Variants in THOP1 observed in about 807,000 individuals in gnomAD.
THOP1 encodes the protein thimet oligopeptidase 1.
THOP1 carries 49 observed loss-of-function variants against 71.8 expected under a neutral mutation model. That is an observed-to-expected ratio of 0.68 (90% CI 0.54 to 0.87). The LOEUF (loss-of-function observed/expected upper bound fraction) is 0.87, where lower values mean the gene tolerates loss of function less well. THOP1 is among the 40% of genes least tolerant of loss of function. THOP1 has a pLI of 0.00. For missense variants in THOP1, 843 were observed against 975.6 expected, an observed-to-expected ratio of 0.86 and a Z score of 1.81; for synonymous variants, 426 against 421.5, an observed-to-expected ratio of 1.01 and a Z score of -0.13.
chr19:2,810,892 G>A (rs891563973), intron 11 of THOP1, 124 bp downstream of exon 11: 13 of 1,414,534 alleles, frequency 9.2e-6, no homozygotes, highest in Admixed American at 7.3e-5. Flanking sequence ...GGGGAGCCAC[G>A]GAGCGCGTCC....
intron 4 of THOP1, among the ~76,000 whole-genome samples, chr19:2,796,764 C>T (rs1222388615): frequency 6.6e-5 from 10 of 152,104 alleles, no homozygotes; most frequent in Admixed American, 5.9e-4. Context: ...GGCTGACCCC[C>T]GGCCTGATGT....
chr19:2,796,057 C>T (rs780806723), intron 3 of THOP1, 24 bp from the exon 4 acceptor site: 45 of 1,597,208 alleles, frequency 2.8e-5, no homozygotes, highest in Non-Finnish European at 3.2e-5. Context: ...CCACGTCCTA[C>T]ATGCTTTGAT....
chr19:2,800,148 C>T (rs1916112863), intron 5 of THOP1, among the ~76,000 whole-genome samples: 2 of 152,190 alleles, frequency 1.3e-5, no homozygotes. Context: ...TCCCTTGAGA[C>T]CCCACTTCCT....
chr19:2,785,576 C>A lies in THOP1; in HGVS notation c.-87C>A. 7.0e-7 allele frequency: 1 copy of A among 1,437,196 alleles called. No homozygotes were observed. The highest frequency in any genetic ancestry group is 9.2e-7 in the Non-Finnish European group (1 of 1,085,632). The allele number at this position is 1,437,196 out of a possible 1,614,324, so 89.0% of individuals were successfully genotyped here. A position where few individuals can be genotyped will look rare whatever the true frequency, so the allele number is the denominator to read the frequency against. ...CGTGGCGGCGGTGGCGGCGGTTGGG[C>A]CGAGGCAGGCGGCCTCAGTGGCCGA... On this transcript the variant is annotated 5_prime_UTR_variant, in exon 1 of 13. Transcript: ENST00000307741.
In THOP1 at chr19:2,810,318, G is replaced by A; in HGVS notation, c.1470G>A (p.Met490Ile). ...CATCCCTGCAGGCGGAGTTCGCCAT[G>A]TTCAGCGGGACCCACGTGGAGCGGG... ...HQLCSQAEFAMFSGTHVERDF... is the reference protein window; with the variant it reads ...HQLCSQAEFAIFSGTHVERDF... Residue 490 changes from methionine to isoleucine, a missense_variant, in exon 10 of 13, where the codon ATG (methionine) becomes ATA (isoleucine). Physicochemically the swap from Met to Ile is conservative, Grantham distance 10. Transcript: ENST00000307741. 1 of 1,611,424 alleles carries A rather than the reference G, an allele frequency of 6.2e-7. No homozygotes were observed. The highest frequency in any genetic ancestry group is 1.1e-5 in the South Asian group (1 of 90,960).
At chr19:2,794,631 C>CA in intron 2 of THOP1, 133 bp from the exon 3 acceptor site, 1 of 1,142,340 alleles carries the variant, frequency 8.8e-7, no homozygotes, top group Non-Finnish European at 1.2e-6. Context: ...GTCCCAGCTA[C>CA]TTGGGAGGCT....
At chr19:2,797,381 C>T (rs1916044362) in intron 4 of THOP1, among the ~76,000 whole-genome samples, 1 of 152,216 alleles carries the variant, frequency 6.6e-6, no homozygotes, top group Non-Finnish European at 1.5e-5. Flanking sequence ...CATCAGAATA[C>T]AGGCCCCTGA....
chr19:2,810,092 T>C lies in THOP1; in HGVS notation c.1456-212T>C, dbSNP rs1158318225. On this transcript the variant is annotated intron_variant, in intron 9 of 12. Coordinates refer to ENST00000307741, the MANE Select transcript of THOP1 (RefSeq NM_003249.5). ...CAGGGACGGGGTCATGTGGCCGGCA[T>C]CTTCAGGTGTGTCCTGCTGCCACCG... The C allele has an allele frequency of 1.0e-5, 6 of 593,544 alleles. No individual in the cohort carries two copies. In the Admixed American group the frequency reaches 1.9e-4, roughly 19 times the overall value. 36.8% of individuals were successfully genotyped at this position (593,544 alleles called of 1,614,324 possible).
chr19:2,806,961 G>C lies in THOP1; in HGVS notation c.795G>C (p.Gln265His), dbSNP rs1334046739. The change falls in exon 7 of 13, where the codon CAG becomes CAC. Residue 265 changes from glutamine (Q) to histidine (H), a missense_variant. Coordinates refer to ENST00000307741, the MANE Select transcript of THOP1 (RefSeq NM_003249.5). ...ILKELVTLRA[Q>H]KSRLLGFHTH... ...AGGAGCTGGTGACGCTGCGGGCCCAGAAGTCCCGCCTGCTGGGGTTCCACA... is the reference window on the plus strand; with the variant it reads ...AGGAGCTGGTGACGCTGCGGGCCCACAAGTCCCGCCTGCTGGGGTTCCACA... 1.2e-6 allele frequency: 2 copies of C among 1,613,062 alleles called. No individual in the cohort carries two copies. Among genetic ancestry groups the C allele is most frequent in the Non-Finnish European group, 1.7e-6 (2 of 1,179,864 alleles).
At chr19:2,803,423 T>C (rs1486283815) in intron 5 of THOP1, among the ~76,000 whole-genome samples, 2 of 152,194 alleles carry the variant, frequency 1.3e-5, no homozygotes, top group African/African-American at 4.8e-5. Flanking sequence ...GAACGTGAAC[T>C]ATGCATTCGT....
At chr19:2,812,188 C>G (rs1288464243) in intron 12 of THOP1, 1 of 1,499,766 alleles carries the variant, frequency 6.7e-7, no homozygotes, top group African/African-American at 1.4e-5. Context: ...ATTTGCTCCT[C>G]CAACCTCCAG....
intron 7 of THOP1, 68 bp from the exon 8 acceptor site, chr19:2,807,374 G>C (rs1916320367): frequency 4.0e-6 from 6 of 1,490,124 alleles, no homozygotes; most frequent in Non-Finnish European, 5.3e-6. Context: ...CGCGGCCGCG[G>C]GCGGGCGAGC....
intron 4 of THOP1, 28 bp downstream of exon 4, chr19:2,796,216 G>C: frequency 6.3e-7 from 1 of 1,575,752 alleles, no homozygotes; most frequent in Non-Finnish European, 8.7e-7. Context: ...GGAGTGCTGG[G>C]CGTGGGCAAT....
chr19:2,797,108 G>A (rs1488483942), intron 4 of THOP1, among the ~76,000 whole-genome samples: 2 of 152,276 alleles, frequency 1.3e-5, no homozygotes, highest in South Asian at 4.1e-4. Context: ...CAGGGCCTTC[G>A]CTGGGGTCCC....
chr19:2,809,525 G>GA (rs1403520911), intron 9 of THOP1: 23 of 152,396 alleles, frequency 1.5e-4, no homozygotes, highest in African/African-American at 5.5e-4. Flanking sequence ...TGGCCTCTGG[G>GA]GTTTTTGTGG....
At position 2,799,629 on chromosome 19, in the gene THOP1, G is replaced by A. The variant is rs577701640; in HGVS notation, c.487-60G>A. 1.2e-3 allele frequency: 1,642 copies of A among 1,402,466 alleles called. 4 individuals are homozygous for A. The highest frequency in any genetic ancestry group is 2.3e-3 in the South Asian group (194 of 85,462). The allele number at this position is 1,402,466 out of a possible 1,614,324, so 86.9% of individuals were successfully genotyped here. On this transcript the variant is annotated intron_variant, in intron 4 of 12. Coordinates refer to ENST00000307741, the MANE Select transcript of THOP1 (RefSeq NM_003249.5). ...CGGCGAGAGGGTTCCCAGGCGTTGC[G>A]TCTCCCCGCGGAGCCCGCCCCGGTC...
intron 4 of THOP1, among the ~76,000 whole-genome samples, 158 bp from the exon 5 acceptor site, chr19:2,799,531 G>A (rs1319937344): frequency 2.0e-5 from 3 of 152,146 alleles, no homozygotes; most frequent in Non-Finnish European, 4.4e-5. Context: ...TCTGTCCTCC[G>A]CCTCCCGTCT....
intron 1 of THOP1, among the ~76,000 whole-genome samples, chr19:2,786,141 T>A (rs58040630): frequency 0.017 from 2,516 of 152,186 alleles, 68 homozygotes; most frequent in African/African-American, 0.058. Context: ...AGCGTCGACT[T>A]GCTTGATTGG....
chr19:2,787,844 A>G (rs1915785264), intron 1 of THOP1, among the ~76,000 whole-genome samples: 1 of 152,202 alleles, frequency 6.6e-6, no homozygotes. Flanking sequence ...TGCCCAGGAC[A>G]GCTCCACCCC....
Sources: gnomAD v4.1 joint callset for allele counts (sites outside exome capture counted in the v4.1 genomes callset) on GRCh38, gnomAD v4.1.1 for gene constraint, MANE v1.5 for transcripts, NCBI Gene and HGNC (gene_info 2026-07-23, HGNC 2026-07-21) for gene names.